The following RASGRP2 variants were observed in gnomAD, a reference collection of about 807,000 sequenced individuals.
RASGRP2 encodes RAS guanyl releasing protein 2.
RASGRP2 carries 44 observed loss-of-function variants against 71.0 expected under a neutral mutation model. The ratio of observed to expected loss-of-function variants is 0.62; its 90% CI spans 0.49 to 0.80. The LOEUF is 0.80. Among genes scored for constraint, RASGRP2 ranks in the 30% least tolerant of loss-of-function variants. The pLI is 0.00. For synonymous variants in RASGRP2, 350 were observed against 330.7 expected, an observed-to-expected ratio of 1.06 and a Z score of -0.63; for missense variants, 663 against 813.4, an observed-to-expected ratio of 0.82 and a Z score of 2.25.
chr11:64,740,846 A>G (rs754168970), intron 5 of RASGRP2, 102 bp downstream of exon 5: 4 of 1,494,042 alleles, frequency 2.7e-6, no homozygotes, highest in Non-Finnish European at 3.7e-6. Context: ...TAAGCGAGAG[A>G]GCAACATGAC....
In RASGRP2 at chr11:64,743,890, C is replaced by T; in HGVS notation, c.-72+113G>A. 1 of 734,012 alleles carries T rather than the reference C, an allele frequency of 1.4e-6. No homozygotes were observed. The highest frequency in any genetic ancestry group is 1.7e-6 in the Non-Finnish European group (1 of 587,074). 45.5% of individuals were successfully genotyped at this position (734,012 alleles called of 1,614,324 possible). A position where few individuals can be genotyped will look rare whatever the true frequency, so the allele number is the denominator to read the frequency against. On this transcript the variant is annotated intron_variant, in intron 1 of 16. Coordinates refer to ENST00000394432, the MANE Select transcript of RASGRP2 (RefSeq NM_001098671.2). This position sits in a 1 kb window ranked among gnomAD's most constrained non-coding sequence, Gnocchi z 4.9. ...GGACCTAAGTGGAGGTGCAGGCGTC[C>T]GCACTTACACGCACCGGGCCACAGG...
intron 12 of RASGRP2, among the ~76,000 whole-genome samples, chr11:64,732,354 C>A (rs1313908328): frequency 7.2e-5 from 11 of 152,038 alleles, no homozygotes; most frequent in Non-Finnish European, 1.6e-4. Flanking sequence ...AAAACTCCAT[C>A]TCTACTAAAA....
Position 64,742,907 on chromosome 11 carries a change from G to A in RASGRP2, c.-41C>T, listed in dbSNP as rs1447347876. The A allele has an allele frequency of 3.2e-6, 5 of 1,552,468 alleles. No individual in the cohort carries two copies. The highest frequency in any genetic ancestry group is 4.3e-6 in the Non-Finnish European group (5 of 1,153,960). On this transcript the variant is annotated 5_prime_UTR_variant, in exon 2 of 17. Coordinates refer to ENST00000394432, the MANE Select transcript of RASGRP2 (RefSeq NM_001098671.2). This position sits in a 1 kb window ranked among gnomAD's most constrained non-coding sequence, Gnocchi z 4.7. ...GTGGGCTGGGCCCAGGCTGCGCTCC[G>A]GGAGCCTCCCACCGGGCTCGGACCG...
Position 64,739,576 on chromosome 11 carries a change from A to G in RASGRP2, c.696+60T>C. The G allele has an allele frequency of 6.2e-7, 1 of 1,611,654 alleles. No homozygotes were observed. Among genetic ancestry groups the G allele is most frequent in the South Asian group, 1.1e-5 (1 of 91,022 alleles). ...GAAGGCAGTGGGTTAGGGGAAGGGA[A>G]GGGTTGGCCTGACTGGCATGTGGGG... On this transcript the variant is annotated intron_variant, in intron 7 of 16. Transcript: ENST00000394432. This position sits in a 1 kb window ranked among gnomAD's most constrained non-coding sequence, Gnocchi z 4.2.
At chr11:64,744,308 G>A (rs1314249855), upstream of RASGRP2, 2 of 985,242 alleles carry the variant, frequency 2.0e-6, no homozygotes, top group Non-Finnish European at 1.2e-6. Context: ...CCACGGAAAG[G>A]TACCCCGGCC....
Position 64,739,915 on chromosome 11 carries a change from T to C in RASGRP2, c.522+98A>G, listed in dbSNP as rs1436795625. The C allele has an allele frequency of 1.9e-6, 3 of 1,606,722 alleles. No individual in the cohort carries two copies. Among genetic ancestry groups the C allele is most frequent in the East Asian group, 2.2e-5 (1 of 44,772 alleles). The stretch of plus-strand genomic sequence containing the variant: ...TCAGTGGTTACACTGAAACCCCTGA[T>C]GCACCCTGTGACCCAGCCTACGCCA... On this transcript the variant is annotated intron_variant, in intron 6 of 16. Coordinates refer to ENST00000394432, the MANE Select transcript of RASGRP2 (RefSeq NM_001098671.2). The surrounding 1 kb of genome is among the most constrained non-coding windows in gnomAD (Gnocchi z 4.2).
At chr11:64,740,219 C>T in intron 5 of RASGRP2, 56 bp from the exon 6 acceptor site, 1 of 1,605,382 alleles carries the variant, frequency 6.2e-7, no homozygotes, top group Non-Finnish European at 8.5e-7. Flanking sequence ...CTCGTGGCCC[C>T]CCACTCACAC....
chr11:64,727,405 G>A, intron 15 of RASGRP2, 45 bp from the exon 16 acceptor site: 5 of 1,594,496 alleles, frequency 3.1e-6, no homozygotes, highest in Non-Finnish European at 3.4e-6. Flanking sequence ...CAGGTCCCTG[G>A]GACTTCATCA....
At chr11:64,737,225 T>TGA in intron 8 of RASGRP2, 191 bp from the exon 9 acceptor site, 1 of 654,342 alleles carries the variant, frequency 1.5e-6, no homozygotes. Context: ...TTCAAGGCAA[T>TGA]ACTCACTGCC....
At chr11:64,740,236 AC>A in intron 5 of RASGRP2, 73 bp from the exon 6 acceptor site, 1 of 1,583,942 alleles carries the variant, frequency 6.3e-7, no homozygotes, top group South Asian at 1.1e-5. Flanking sequence ...ACACAGACAC[AC>A]CATTCACGCT....
rs948161016 is a variant in RASGRP2 at position 64,739,741 on chromosome 11, G to A, written c.591C>T (p.Ile197=). The A allele has an allele frequency of 6.2e-7, 1 of 1,613,924 alleles. No homozygotes were observed. Among genetic ancestry groups the A allele is most frequent in the Middle Eastern group, 1.6e-4 (1 of 6,062 alleles). Reference sequence around the variant, plus strand: ...ACTGTGAGACGCTGTTGAAGAGGGAGATGAACCGCTCCAGGACGGGGTTGT... The same window carrying A: ...ACTGTGAGACGCTGTTGAAGAGGGAAATGAACCGCTCCAGGACGGGGTTGT... ...TVDNPVLERF[I]SLFNSVSQWV... The change falls in exon 7 of 17, where the codon ATC becomes ATT. Residue 197 remains isoleucine, a synonymous_variant. Coordinates refer to ENST00000394432, the MANE Select transcript of RASGRP2 (RefSeq NM_001098671.2). The surrounding 1 kb of genome is among the most constrained non-coding windows in gnomAD (Gnocchi z 4.2).
chr11:64,735,174 T>C lies in RASGRP2; in HGVS notation c.1350A>G (p.Glu450=). The change falls in exon 12 of 17, where the codon GAA becomes GAG. Residue 450 remains glutamate (E), a synonymous_variant. Transcript: ENST00000394432. The surrounding 1 kb of genome is among the most constrained non-coding windows in gnomAD (Gnocchi z 4.2). ...GGAAGTTCCCACGGATGATCTGGAA[T>C]TCTTCCTGTGAGATGTGGCCATCCC... ...VDGDGHISQE[E]FQIIRGNFPY... is the part of the protein sequence containing the mutation. 1 of 1,614,176 alleles carries C rather than the reference T, an allele frequency of 6.2e-7. No homozygotes were observed. The highest frequency in any genetic ancestry group is 8.5e-7 in the Non-Finnish European group (1 of 1,180,030).
At chr11:64,728,728 C>A in intron 15 of RASGRP2, 135 bp downstream of exon 15, 2 of 1,044,736 alleles carry the variant, frequency 1.9e-6, no homozygotes, top group Non-Finnish European at 2.7e-6. Flanking sequence ...CCACCGCGCC[C>A]GGCCTGTCCC....
At chr11:64,729,180 A>C in intron 14 of RASGRP2, 138 bp from the exon 15 acceptor site, 1 of 851,756 alleles carries the variant, frequency 1.2e-6, no homozygotes, top group Non-Finnish European at 1.9e-6. Context: ...CTCCTTCCAA[A>C]GTGTTCTCCT....
chr11:64,735,863 G>A lies in RASGRP2; in HGVS notation c.1173+40C>T. ...CATCCTCACATCCTGGGATTCTCAG[G>A]AGGGAAGGGCAGAGTGGAGAGGAGG... On this transcript the variant is annotated intron_variant, in intron 10 of 16. Transcript: ENST00000394432. This position sits in a 1 kb window ranked among gnomAD's most constrained non-coding sequence, Gnocchi z 4.2. 1 of 1,591,118 alleles carries A rather than the reference G, an allele frequency of 6.3e-7. No homozygotes were observed. Among genetic ancestry groups the A allele is most frequent in the South Asian group, 1.1e-5 (1 of 89,578 alleles).
intron 12 of RASGRP2, among the ~76,000 whole-genome samples, chr11:64,732,538 A>G (rs928261871): frequency 2.3e-4 from 35 of 152,264 alleles, no homozygotes; most frequent in Non-Finnish European, 4.7e-4. Context: ...TCACGCCTGT[A>G]ATCCCAGCAC....
At position 64,737,040 on chromosome 11, in the gene RASGRP2, G is replaced by A. The variant is rs79402611; in HGVS notation, c.814-6C>T. On this transcript the variant is annotated splice_polypyrimidine_tract_variant and splice_region_variant and intron_variant, in intron 8 of 16. Coordinates refer to ENST00000394432, the MANE Select transcript of RASGRP2 (RefSeq NM_001098671.2). ...TCCGTGAGACCCTCCCAGAGCTGGG[G>A]ACAAAGGACAGAGGAGTCATACCCC... is the stretch of plus-strand genomic sequence containing the variant. 1,386 of 1,613,624 alleles carry A rather than the reference G, an allele frequency of 8.6e-4. 11 individuals carry two copies. In the East Asian group the frequency reaches 0.017, roughly 20 times the overall value.
intron 14 of RASGRP2, among the ~76,000 whole-genome samples, chr11:64,729,318 G>T (rs2057681031): frequency 7.4e-6 from 1 of 135,892 alleles, no homozygotes; most frequent in Admixed American, 8.1e-5. Flanking sequence ...ATTTTGTGGG[G>T]TTTTGGTTTT....
intron 4 of RASGRP2, 146 bp downstream of exon 4, chr11:64,741,293 T>C: frequency 9.2e-7 from 1 of 1,088,538 alleles, no homozygotes; most frequent in Non-Finnish European, 1.4e-6. Context: ...CAGGAAGGGG[T>C]GAGCCTGTGG....
Sources: allele counts gnomAD v4.1 joint callset (sites outside exome capture counted in the v4.1 genomes callset), GRCh38; gene constraint gnomAD v4.1.1; non-coding constraint Gnocchi (gnomAD v3.1); transcripts MANE v1.5; gene names NCBI Gene and HGNC (gene_info 2026-07-23, HGNC 2026-07-21).